PLCL2: variants seen among roughly 807,000 people sequenced by gnomAD.
The protein encoded by PLCL2 is inactive phospholipase C-like protein 2.
A neutral mutation model predicts 79.6 loss-of-function variants in PLCL2; 4 were observed. The observed-to-expected ratio is 0.05, with a 90% CI of 0.02 to 0.11. The LOEUF (loss-of-function observed/expected upper bound fraction) is 0.11, where lower values mean the gene tolerates loss of function less well. Ranked by LOEUF, PLCL2 falls within the 10% of genes least tolerant of loss-of-function variation. PLCL2 has a pLI of 1.00. For missense variants in PLCL2, 895 were observed against 1,291.0 expected (o/e 0.69, Z 4.70); for synonymous variants, 484 against 457.7 (o/e 1.06, Z -0.73).
intron 1 of PLCL2, among the ~76,000 whole-genome samples, chr3:16,968,618 T>A (rs1211415025): frequency 6.6e-6 from 1 of 152,138 alleles, no homozygotes; most frequent in Admixed American, 6.6e-5. Flanking sequence ...GTACGTTGAT[T>A]TTGTATCCTG....
intron 1 of PLCL2, among the ~76,000 whole-genome samples, chr3:17,007,249 C>T (rs566984676): frequency 1.1e-4 from 17 of 152,088 alleles, no homozygotes; most frequent in Non-Finnish European, 1.3e-4. Context: ...GTCAGGAGAT[C>T]GAGACCATCC....
At chr3:16,924,809 G>C (rs937190344) in intron 1 of PLCL2, among the ~76,000 whole-genome samples, 1 of 152,078 alleles carries the variant, frequency 6.6e-6, no homozygotes, top group Non-Finnish European at 1.5e-5. Flanking sequence ...AAATAACCAC[G>C]ATAGTCTTAA....
At chr3:16,987,090 C>T (rs912889089) in intron 1 of PLCL2, among the ~76,000 whole-genome samples, 2 of 151,464 alleles carry the variant, frequency 1.3e-5, no homozygotes, top group Admixed American at 1.3e-4. Context: ...TTTTATTTGA[C>T]TTTCACAGCA....
At chr3:17,000,007 A>G (rs1013367095) in intron 1 of PLCL2, among the ~76,000 whole-genome samples, 4 of 152,164 alleles carry the variant, frequency 2.6e-5, no homozygotes, top group Non-Finnish European at 4.4e-5. Context: ...TAATAAGGCC[A>G]TGATTCTAAA....
chr3:16,885,772 G>C (rs1415385646), intron 1 of PLCL2, among the ~76,000 whole-genome samples: 1 of 152,222 alleles, frequency 6.6e-6, no homozygotes, highest in Non-Finnish European at 1.5e-5. Flanking sequence ...AAAATCCCAG[G>C]CGGCGAACAG....
intron 4 of PLCL2, among the ~76,000 whole-genome samples, chr3:17,060,776 A>G (rs1250111920): frequency 6.6e-6 from 1 of 152,144 alleles, no homozygotes; most frequent in Non-Finnish European, 1.5e-5. Context: ...TCCCAAACGC[A>G]CCTGTGTTAT....
intron 1 of PLCL2, among the ~76,000 whole-genome samples, chr3:16,950,496 T>G (rs1181286108): frequency 1.3e-5 from 2 of 152,140 alleles, no homozygotes; most frequent in Non-Finnish European, 2.9e-5. Context: ...AGCCTGTTGA[T>G]TCTCTTAGCT....
chr3:17,050,184 A>C (rs1198919689), intron 4 of PLCL2, among the ~76,000 whole-genome samples: 1 of 152,180 alleles, frequency 6.6e-6, no homozygotes, highest in Non-Finnish European at 1.5e-5. Context: ...AATCAAATCA[A>C]AATTTAAATC....
chr3:17,089,685 C>G, intron 5 of PLCL2, 48 bp from the exon 6 acceptor site: 1 of 1,090,900 alleles, frequency 9.2e-7, no homozygotes, highest in Non-Finnish European at 1.4e-6. Context: ...AAGTATAACA[C>G]TAAGTTATGT....
intron 1 of PLCL2, among the ~76,000 whole-genome samples, chr3:16,944,736 A>G (rs945585005): frequency 1.8e-4 from 27 of 152,032 alleles, no homozygotes; most frequent in African/African-American, 6.5e-4. Context: ...GACTTTAGTT[A>G]ATAAAAATGT....
chr3:17,025,500 A>G (rs1465196778), intron 3 of PLCL2, among the ~76,000 whole-genome samples: 1 of 152,214 alleles, frequency 6.6e-6, no homozygotes, highest in Admixed American at 6.5e-5. Context: ...ATCACATTTT[A>G]TAAGAAAAAA....
intron 1 of PLCL2, among the ~76,000 whole-genome samples, chr3:16,996,126 A>G (rs189555203): frequency 2.0e-5 from 3 of 152,186 alleles, no homozygotes; most frequent in African/African-American, 7.2e-5. Flanking sequence ...AACCTGGAAC[A>G]ATTAGGTGAG....
intron 1 of PLCL2, among the ~76,000 whole-genome samples, chr3:16,982,706 G>A (rs1204098331): frequency 6.6e-6 from 1 of 151,968 alleles, no homozygotes. Context: ...AGCATTGACC[G>A]CTCCTGCGTC....
At chr3:16,963,778 G>C (rs1407864526) in intron 1 of PLCL2, among the ~76,000 whole-genome samples, 1 of 151,878 alleles carries the variant, frequency 6.6e-6, no homozygotes, top group Non-Finnish European at 1.5e-5. Flanking sequence ...GCTTGAGAAG[G>C]TTAAGCAATT....
At chr3:16,915,951 CA>C (rs1269295101) in intron 1 of PLCL2, among the ~76,000 whole-genome samples, 1 of 152,156 alleles carries the variant, frequency 6.6e-6, no homozygotes, top group Non-Finnish European at 1.5e-5. Context: ...TCAACTCGCT[CA>C]CACCTCAGGA....
intron 1 of PLCL2, among the ~76,000 whole-genome samples, chr3:16,959,521 T>C (rs563758388): frequency 6.6e-6 from 1 of 152,290 alleles, no homozygotes; most frequent in Admixed American, 6.5e-5. Flanking sequence ...TTCCTAGCCT[T>C]CCTTGCTGGT....
intron 1 of PLCL2, among the ~76,000 whole-genome samples, chr3:16,905,850 A>T (rs1696738255): frequency 6.6e-6 from 1 of 152,144 alleles, no homozygotes; most frequent in African/African-American, 2.4e-5. Context: ...GAGGGAGGTA[A>T]TTGAGAGGGA....
intron 3 of PLCL2, among the ~76,000 whole-genome samples, chr3:17,030,713 G>A (rs1271029609): frequency 6.6e-6 from 1 of 152,162 alleles, no homozygotes; most frequent in Non-Finnish European, 1.5e-5. Context: ...CTGGAGAACT[G>A]TGGACACTCT....
rs186284580 is a variant in PLCL2 at position 16,991,323 on chromosome 3, C to T, written c.328-18351C>T. ...TAGCTCAGTAAAGGTTAGCTCACCT[C>T]CTTTCCATGGGCACAACTGCATTTA... On this transcript the variant is annotated intron_variant, in intron 1 of 5. Transcript: ENST00000615277. 1.2e-3 allele frequency among the ~76,000 whole-genome samples: 181 copies of T among 152,270 alleles called. 4 individuals carry two copies. The highest frequency in any genetic ancestry group is 0.01 in the Admixed American group (159 of 15,280).
Sources: gnomAD v4.1 joint callset for allele counts (sites outside exome capture counted in the v4.1 genomes callset) on GRCh38, gnomAD v4.1.1 for gene constraint, MANE v1.5 for transcripts, NCBI Gene and HGNC (gene_info 2026-07-23, HGNC 2026-07-21) for gene names.